KANK1: variants seen among roughly 807,000 people sequenced by gnomAD.
KANK1 encodes KN motif and ankyrin repeat domain-containing protein 1.
In KANK1, 109 loss-of-function variants were observed where a neutral mutation model predicts 106.2. The observed-to-expected ratio is 1.03, with a 90% CI of 0.88 to 1.20. The LOEUF is 1.20. Among genes scored for constraint, KANK1 ranks in the 50% most tolerant of loss-of-function variants. The pLI, the probability that KANK1 is intolerant of heterozygous loss-of-function variation, is 0.00. For missense variants in KANK1, 2,399 were observed against 1,710.7 expected (o/e 1.40, Z -7.10); for synonymous variants, 873 against 652.2 (o/e 1.34, Z -5.16).
At chr9:487,413 G>C (rs1352523180) in intron 3 of KANK1, among the ~76,000 whole-genome samples, 1 of 152,196 alleles carries the variant, frequency 6.6e-6, no homozygotes, top group African/African-American at 2.4e-5. Context: ...ATTTAAGGTA[G>C]GCTAGGCTAA....
chr9:705,237 G>A (rs930947090), intron 2 of KANK1, among the ~76,000 whole-genome samples: 4 of 152,116 alleles, frequency 2.6e-5, no homozygotes, highest in Non-Finnish European at 5.9e-5. Context: ...TGTAATCCCA[G>A]CACTTTGGGA....
At chr9:662,628 A>G (rs1843591429) in intron 1 of KANK1, among the ~76,000 whole-genome samples, 1 of 152,010 alleles carries the variant, frequency 6.6e-6, no homozygotes. Context: ...TAGAAAGCTG[A>G]AACTGCATCC....
chr9:497,428 C>G (rs2058473484), intron 3 of KANK1, among the ~76,000 whole-genome samples: 1 of 134,976 alleles, frequency 7.4e-6, no homozygotes, highest in East Asian at 1.9e-4. Context: ...GCATGTGACT[C>G]TTCACACACA....
intron 3 of KANK1, among the ~76,000 whole-genome samples, chr9:494,848 T>C (rs183076664): frequency 5.1e-4 from 78 of 152,318 alleles, no homozygotes; most frequent in Non-Finnish European, 8.2e-4. Flanking sequence ...ATAGTGCAAA[T>C]TAGCTGGGCA....
At chr9:648,742 C>G (rs1195985833) in intron 1 of KANK1, among the ~76,000 whole-genome samples, 1 of 152,102 alleles carries the variant, frequency 6.6e-6, no homozygotes, top group Non-Finnish European at 1.5e-5. Flanking sequence ...TCTCATGAAG[C>G]TGTTTTGAAG....
intron 1 of KANK1, among the ~76,000 whole-genome samples, chr9:548,096 G>A (rs894699504): frequency 1.3e-5 from 2 of 152,066 alleles, no homozygotes; most frequent in Admixed American, 6.6e-5. Context: ...GTATTTCATG[G>A]TTTGGCCAAA....
chr9:606,333 A>T (rs904051516), intron 1 of KANK1, among the ~76,000 whole-genome samples: 3 of 147,692 alleles, frequency 2.0e-5, no homozygotes, highest in Non-Finnish European at 2.9e-5. Flanking sequence ...GAGGTGGGCA[A>T]ATCACCTGAG....
intron 1 of KANK1, among the ~76,000 whole-genome samples, chr9:649,283 C>G (rs1200434018): frequency 1.3e-5 from 2 of 152,066 alleles, no homozygotes; most frequent in Non-Finnish European, 2.9e-5. Context: ...CCCAGTTTGC[C>G]TGTCCTGGTT....
intron 1 of KANK1, among the ~76,000 whole-genome samples, chr9:511,758 G>T (rs904576359): frequency 2.0e-5 from 3 of 152,142 alleles, no homozygotes; most frequent in Non-Finnish European, 4.4e-5. Flanking sequence ...ATTCTTGTCT[G>T]GTCCCAACTC....
At chr9:599,851 G>A (rs946698957) in intron 1 of KANK1, among the ~76,000 whole-genome samples, 1 of 151,794 alleles carries the variant, frequency 6.6e-6, no homozygotes, top group Non-Finnish European at 1.5e-5. Flanking sequence ...AGTCCTCCTT[G>A]TATATCGAGG....
intron 1 of KANK1, among the ~76,000 whole-genome samples, chr9:661,454 T>G (rs1843293924): frequency 6.6e-6 from 1 of 152,164 alleles, no homozygotes; most frequent in East Asian, 1.9e-4. Flanking sequence ...GGACATGAAC[T>G]CATCCTTTTT....
chr9:731,242 T>A lies in KANK1; in HGVS notation c.2981T>A (p.Leu994His), dbSNP rs754611507. Reference sequence around the variant, plus strand: ...GATTCAAATGGCGCAAAAAAGAATCTTCAGTTTGTTGGCATTAATGGAGGG... The same window carrying A: ...GATTCAAATGGCGCAAAAAAGAATCATCAGTTTGTTGGCATTAATGGAGGG... ...NKDSNGAKKN[L>H]QFVGINGGYE... The change falls in exon 5 of 12, where the codon CTT (leucine) becomes CAT (histidine). Residue 994 changes from leucine to histidine, a missense_variant. Leu to His is a moderately conservative substitution (Grantham distance 99). Transcript: ENST00000382297. 9.3e-6 allele frequency: 15 copies of A among 1,607,094 alleles called. No individual in the cohort carries two copies. The highest frequency in any genetic ancestry group is 1.7e-4 in the Middle Eastern group (1 of 6,046).
intron 3 of KANK1, among the ~76,000 whole-genome samples, chr9:475,024 C>G (rs539495583): frequency 2.0e-5 from 3 of 152,006 alleles, no homozygotes; most frequent in Non-Finnish European, 2.9e-5. Flanking sequence ...GTTGTTACAC[C>G]GTCTCTCTCA....
chr9:632,675 A>G (rs1466162030), intron 1 of KANK1, among the ~76,000 whole-genome samples: 3 of 151,982 alleles, frequency 2.0e-5, no homozygotes, highest in Non-Finnish European at 4.4e-5. Context: ...TGAGATAATG[A>G]GAGTGGTGTT....
At chr9:653,119 T>TGTTC (rs1247186316) in intron 1 of KANK1, among the ~76,000 whole-genome samples, 4 of 152,212 alleles carry the variant, frequency 2.6e-5, no homozygotes, top group African/African-American at 7.2e-5. Context: ...GGAAGCCTTG[T>TGTTC]GTTCCCTTTG....
rs528210472 is a variant in KANK1 at position 670,917 on chromosome 9, A to T, written c.-83-5973A>T. 5.5e-5 allele frequency among the ~76,000 whole-genome samples: 8 copies of T among 145,074 alleles called. No individual in the cohort carries two copies. In the South Asian group the frequency reaches 1.8e-3, roughly 32 times the overall value. ...AGATTGGGGGAAGGGTGTCACAGAT[A>T]TGAAAATCTGATTCTCTTACTGTCT... On this transcript the variant is annotated intron_variant, in intron 1 of 11. Coordinates refer to ENST00000382297, the MANE Select transcript of KANK1 (RefSeq NM_015158.5).
At chr9:613,657 A>C (rs1588257617) in intron 1 of KANK1, among the ~76,000 whole-genome samples, 1 of 152,260 alleles carries the variant, frequency 6.6e-6, no homozygotes, top group African/African-American at 2.4e-5. Context: ...ACAGAGAGCA[A>C]ACTCTCTATT....
intron 10 of KANK1, 123 bp downstream of exon 10, chr9:742,528 C>T: frequency 1.4e-6 from 1 of 701,220 alleles, no homozygotes; most frequent in African/African-American, 1.8e-5. Flanking sequence ...ATTTGTGTCG[C>T]CATCTAGGTG....
At chr9:539,673 G>A (rs554254107) in intron 1 of KANK1, 2 of 152,006 alleles carry the variant, frequency 1.3e-5, no homozygotes, top group Non-Finnish European at 2.9e-5. Flanking sequence ...AAATTTTTTT[G>A]TAGAGACATC....
Sources: gnomAD v4.1 joint callset for allele counts (sites outside exome capture counted in the v4.1 genomes callset) on GRCh38, gnomAD v4.1.1 for gene constraint, MANE v1.5 for transcripts, NCBI Gene and HGNC (gene_info 2026-07-23, HGNC 2026-07-21) for gene names.